SOX13: variants seen among roughly 807,000 people sequenced by gnomAD.
SOX13 encodes the protein transcription factor SOX-13.
SOX13 carries 28 observed loss-of-function variants against 71.8 expected under a neutral mutation model. The ratio of observed to expected loss-of-function variants is 0.39; its 90% confidence interval spans 0.29 to 0.53. SOX13 has a LOEUF of 0.53. Ranked by LOEUF, SOX13 falls within the 20% of genes least tolerant of loss-of-function variation. The pLI, the probability that SOX13 is intolerant of heterozygous loss-of-function variation, is 0.70. For missense variants in SOX13, 627 were observed against 810.3 expected (o/e 0.77, Z 2.75); for synonymous variants, 309 against 317.8 (o/e 0.97, Z 0.29).
chr1:204,088,300 T>C (rs527477440), intron 1 of SOX13, among the ~76,000 whole-genome samples: 1 of 152,214 alleles, frequency 6.6e-6, no homozygotes, highest in South Asian at 2.1e-4. Context: ...GGGATGCTGG[T>C]CGATTCGGCT....
At chr1:204,118,456 G>A (rs1656740351) in intron 7 of SOX13, 1 of 151,560 alleles carries the variant, frequency 6.6e-6, no homozygotes, top group Non-Finnish European at 1.5e-5. Flanking sequence ...CACCTCCCAT[G>A]TTCAAGCGAT....
chr1:204,094,942 C>A (rs1017055525), intron 1 of SOX13, among the ~76,000 whole-genome samples: 3 of 152,092 alleles, frequency 2.0e-5, no homozygotes, highest in African/African-American at 7.2e-5. Flanking sequence ...TGGATGAGTC[C>A]CTGCAAACTG....
intron 7 of SOX13, among the ~76,000 whole-genome samples, chr1:204,120,913 T>A (rs1474829253): frequency 6.6e-6 from 1 of 152,194 alleles, no homozygotes; most frequent in African/African-American, 2.4e-5. Context: ...GATGCTGCCA[T>A]TTCATAGCTC....
chr1:204,115,492 TA>T lies in SOX13; in HGVS notation c.418+908del, dbSNP rs71145062. ...CCGATGTTGTTTTTTTTTTTTTTTT[TA>T]AAAAAAAAAAAAAAAAAAAAGGTCT... On this transcript the variant is annotated intron_variant, in intron 4 of 13. Coordinates refer to ENST00000367204, the MANE Select transcript of SOX13 (RefSeq NM_005686.3). Among the ~76,000 whole-genome samples the T allele has an allele frequency of 4.0e-3, 198 of 49,958 alleles. 1 individual carries two copies. Among genetic ancestry groups the T allele is most frequent in the Middle Eastern group, 0.033 (2 of 60 alleles). 32.8% of individuals were successfully genotyped at this position (49,958 alleles called of 152,430 possible).
chr1:204,102,728 T>A (rs1440215623), intron 1 of SOX13, among the ~76,000 whole-genome samples: 3 of 151,550 alleles, frequency 2.0e-5, no homozygotes, highest in East Asian at 3.9e-4. Flanking sequence ...GAGCAAACAT[T>A]TTTTTGATTT....
At chr1:204,106,420 G>A (rs774232979) in intron 1 of SOX13, among the ~76,000 whole-genome samples, 12 of 152,192 alleles carry the variant, frequency 7.9e-5, no homozygotes, top group South Asian at 4.2e-4. Flanking sequence ...AATATTTATC[G>A]AGCACTTACT....
intron 1 of SOX13, among the ~76,000 whole-genome samples, chr1:204,102,962 C>G (rs568394442): frequency 6.6e-6 from 1 of 152,254 alleles, no homozygotes; most frequent in Admixed American, 6.5e-5. Context: ...CCACCTGCCT[C>G]CGGAAGAGCT....
At position 204,126,366 on chromosome 1, in the gene SOX13, C is replaced by A; in HGVS notation, c.*232C>A. ...GCAGTATGGCCATGGGCTGAGCAGG[C>A]TGAGCACCTCAGCCTTTAGGGCTTA... On this transcript the variant is annotated 3_prime_UTR_variant, in exon 14 of 14. Transcript: ENST00000367204. 1.7e-6 allele frequency: 1 copy of A among 580,686 alleles called. No homozygotes were observed. The highest frequency in any genetic ancestry group is 2.0e-5 in the South Asian group (1 of 49,092). The allele number at this position is 580,686 out of a possible 1,614,324, so 36.0% of individuals were successfully genotyped here.
At chr1:204,104,536 G>A (rs1215478512) in intron 1 of SOX13, among the ~76,000 whole-genome samples, 1 of 152,256 alleles carries the variant, frequency 6.6e-6, no homozygotes, top group Non-Finnish European at 1.5e-5. Flanking sequence ...GCAGCCTGAG[G>A]TTCTCAGCTC....
chr1:204,082,199 T>C (rs1655923011), intron 1 of SOX13, among the ~76,000 whole-genome samples: 1 of 149,894 alleles, frequency 6.7e-6, no homozygotes, highest in Admixed American at 6.7e-5. Flanking sequence ...GCGTGATGTG[T>C]GTATCTATGA....
At chr1:204,105,604 C>T (rs1656454224) in intron 1 of SOX13, among the ~76,000 whole-genome samples, 1 of 152,036 alleles carries the variant, frequency 6.6e-6, no homozygotes, top group Admixed American at 6.5e-5. Context: ...TGGGGTTTTA[C>T]CATGTTGGCC....
Position 204,114,600 on chromosome 1 carries a change from T to A in SOX13, c.413T>A (p.Val138Asp). The A allele has an allele frequency of 6.2e-7, 1 of 1,611,754 alleles. No individual in the cohort carries two copies. The highest frequency in any genetic ancestry group is 8.5e-7 in the Non-Finnish European group (1 of 1,177,894). The change falls in exon 4 of 14, where the codon GTC (valine) becomes GAC (aspartate). Residue 138 changes from valine (V) to aspartate (D), a missense_variant. Around this residue, in one of 3 missense-constraint regions of SOX13, gnomAD observed 447 missense variants for 532.2 expected, o/e 0.84. Transcript: ENST00000367204. ...AGGAACTCTATGGAAGCCAAAGATG[T>A]CAAAGGTGAAGGCCTGTTGGGGGTG... ...LGRNSMEAKD[V>D]KGTQESLAEK...
rs148807821 is a variant in SOX13 at position 204,123,534 on chromosome 1, G to A, written c.1232-127G>A. On this transcript the variant is annotated intron_variant, in intron 11 of 13. Transcript: ENST00000367204. The surrounding 1 kb of genome is among the most constrained non-coding windows in gnomAD (Gnocchi z 5.0). ...ATCTGCTCCTGCCTTGCTCCTCCTC[G>A]GCTGGCTGCTGTGGGAGCCTCCTCA... The A allele has an allele frequency of 9.0e-6, 9 of 1,001,754 alleles. No individual in the cohort carries two copies. The highest frequency in any genetic ancestry group is 4.9e-5 in the African/African-American group (3 of 61,396). The allele number at this position is 1,001,754 out of a possible 1,614,324, so 62.1% of individuals were successfully genotyped here. A position where few individuals can be genotyped will look rare whatever the true frequency, so the allele number is the denominator to read the frequency against.
At position 204,116,489 on chromosome 1, in the gene SOX13, T is replaced by G; in HGVS notation, c.419-18T>G. 1 of 1,613,284 alleles carries G rather than the reference T, an allele frequency of 6.2e-7. No individual in the cohort carries two copies. ...ACAAGTAAAAAGTCTCAATGGGGTC[T>G]GTTTCACTGTGGAGCAGGGACCCAA... is the stretch of plus-strand genomic sequence containing the variant. On this transcript the variant is annotated intron_variant, in intron 4 of 13. Coordinates refer to ENST00000367204, the MANE Select transcript of SOX13 (RefSeq NM_005686.3).
At chr1:204,115,657 CTTTTTTTTTTTT>C (rs771014997) in intron 4 of SOX13, among the ~76,000 whole-genome samples, 7 of 57,384 alleles carry the variant, frequency 1.2e-4, no homozygotes, top group Non-Finnish European at 1.5e-4. Flanking sequence ...GCTTCTTCTT[CTTTTTTTTTTTT>C]TTTTTTTTTT....
chr1:204,097,308 A>G (rs574546653), intron 1 of SOX13, among the ~76,000 whole-genome samples: 1 of 152,348 alleles, frequency 6.6e-6, no homozygotes, highest in Admixed American at 6.5e-5. Context: ...GCCATTAAAT[A>G]TGGCTTTATG....
At chr1:204,097,174 G>A (rs936813152) in intron 1 of SOX13, among the ~76,000 whole-genome samples, 1 of 152,174 alleles carries the variant, frequency 6.6e-6, no homozygotes, top group African/African-American at 2.4e-5. Flanking sequence ...TGTTGGGAGG[G>A]TGGATGTCCC....
intron 1 of SOX13, among the ~76,000 whole-genome samples, chr1:204,102,549 G>A (rs1294821905): frequency 6.6e-6 from 1 of 151,958 alleles, no homozygotes; most frequent in Non-Finnish European, 1.5e-5. Flanking sequence ...GGCTTCCAGG[G>A]TGGTTGGGGA....
At chr1:204,125,316 A>G (rs1445530948) in intron 13 of SOX13, among the ~76,000 whole-genome samples, 1 of 152,152 alleles carries the variant, frequency 6.6e-6, no homozygotes, top group Non-Finnish European at 1.5e-5. Context: ...TGTAATGCCA[A>G]CACTTTGGGA....
Sources: allele counts gnomAD v4.1 joint callset (sites outside exome capture counted in the v4.1 genomes callset), GRCh38; gene constraint gnomAD v4.1.1; regional missense constraint gnomAD v4.1.1; non-coding constraint Gnocchi (gnomAD v3.1); transcripts MANE v1.5; gene names NCBI Gene and HGNC (gene_info 2026-07-23, HGNC 2026-07-21).